Variants in GRAMD2B observed in about 807,000 individuals in gnomAD.
GRAMD2B encodes the protein GRAM domain-containing protein 2B.
In GRAMD2B, 41 loss-of-function variants were observed where a neutral mutation model predicts 59.2. That is an observed-to-expected ratio of 0.69 (90% CI 0.54 to 0.90). The LOEUF (loss-of-function observed/expected upper bound fraction) is 0.90. Ranked by LOEUF, GRAMD2B falls within the 40% of genes least tolerant of loss-of-function variation. GRAMD2B has a pLI of 0.00. For missense variants in GRAMD2B, 424 were observed against 500.5 expected (o/e 0.85, Z 1.46); for synonymous variants, 161 against 182.7 (o/e 0.88, Z 0.96).
intron 1 of GRAMD2B, among the ~76,000 whole-genome samples, chr5:126,384,419 C>T (rs924093719): frequency 6.6e-6 from 1 of 152,158 alleles, no homozygotes; most frequent in African/African-American, 2.4e-5. Flanking sequence ...ACAAAATAAA[C>T]CTTGCCTAAT....
At chr5:126,469,898 G>T in intron 3 of GRAMD2B, 110 bp downstream of exon 3, 4 of 710,136 alleles carry the variant, frequency 5.6e-6, no homozygotes, top group Non-Finnish European at 9.8e-6. Context: ...ACTAATATAG[G>T]TATAGAGTTT....
At chr5:126,445,126 T>C (rs1763976292) in intron 1 of GRAMD2B, among the ~76,000 whole-genome samples, 1 of 152,218 alleles carries the variant, frequency 6.6e-6, no homozygotes, top group Middle Eastern at 3.2e-3. Flanking sequence ...ATTCCATGAC[T>C]TTGCTATTGT....
intron 1 of GRAMD2B, among the ~76,000 whole-genome samples, chr5:126,446,962 A>G (rs1764361444): frequency 6.6e-6 from 1 of 152,218 alleles, no homozygotes; most frequent in Non-Finnish European, 1.5e-5. Flanking sequence ...CTAGCAAAGT[A>G]AAGCAAACTA....
intron 1 of GRAMD2B, among the ~76,000 whole-genome samples, chr5:126,394,042 A>C (rs1757098671): frequency 6.6e-6 from 1 of 152,182 alleles, no homozygotes; most frequent in African/African-American, 2.4e-5. Context: ...CGGGAGGCCA[A>C]GGCGGGCAGA....
At chr5:126,476,431 ACT>A (rs1034821344) in intron 5 of GRAMD2B, among the ~76,000 whole-genome samples, 1 of 152,080 alleles carries the variant, frequency 6.6e-6, no homozygotes. Context: ...GCTGTGCGTG[ACT>A]CTATTTTCAG....
intron 1 of GRAMD2B, among the ~76,000 whole-genome samples, chr5:126,397,667 G>A (rs1757475579): frequency 6.6e-6 from 1 of 152,068 alleles, no homozygotes; most frequent in African/African-American, 2.4e-5. Flanking sequence ...TTAATGTGTT[G>A]TATCACATTT....
At chr5:126,465,625 T>TA in intron 2 of GRAMD2B, 80 bp downstream of exon 2, 2 of 1,294,608 alleles carry the variant, frequency 1.5e-6, no homozygotes, top group Non-Finnish European at 1.1e-6. Context: ...GGTTTTTTGT[T>TA]AAGAGTGAGG....
chr5:126,437,256 G>A (rs1215761246), intron 1 of GRAMD2B, among the ~76,000 whole-genome samples: 2 of 152,296 alleles, frequency 1.3e-5, no homozygotes, highest in East Asian at 1.9e-4. Flanking sequence ...AGGGGAGAGG[G>A]GAGAATGAGT....
At chr5:126,476,373 G>A (rs1337436551) in intron 5 of GRAMD2B, among the ~76,000 whole-genome samples, 1 of 152,214 alleles carries the variant, frequency 6.6e-6, no homozygotes, top group Non-Finnish European at 1.5e-5. Context: ...AGATGTTCAA[G>A]TGAGTGTGAG....
At chr5:126,435,507 G>A (rs1016268439) in intron 1 of GRAMD2B, among the ~76,000 whole-genome samples, 62 of 152,172 alleles carry the variant, frequency 4.1e-4, no homozygotes, top group Admixed American at 1.2e-3. Context: ...CAGAGCCCCC[G>A]GTTAGGTGTC....
At chr5:126,375,514 C>T (rs1166918213) in intron 1 of GRAMD2B, among the ~76,000 whole-genome samples, 2 of 151,924 alleles carry the variant, frequency 1.3e-5, no homozygotes, top group African/African-American at 2.4e-5. Context: ...GGACTACAGG[C>T]GCCTGCCACC....
chr5:126,468,360 A>G (rs1280265443), intron 2 of GRAMD2B, among the ~76,000 whole-genome samples: 1 of 152,084 alleles, frequency 6.6e-6, no homozygotes, highest in Non-Finnish European at 1.5e-5. Context: ...TTTCACTTTT[A>G]TTGTATTCCC....
chr5:126,375,004 T>A (rs748199979), intron 1 of GRAMD2B, among the ~76,000 whole-genome samples: 1 of 152,234 alleles, frequency 6.6e-6, no homozygotes, highest in African/African-American at 2.4e-5. Context: ...TTGAGAAAAT[T>A]CAACATCTTT....
At chr5:126,455,909 A>G (rs558204962) in intron 1 of GRAMD2B, among the ~76,000 whole-genome samples, 12 of 152,282 alleles carry the variant, frequency 7.9e-5, no homozygotes, top group African/African-American at 1.9e-4. Context: ...TTATGACACA[A>G]TATCCTTTAT....
chr5:126,437,998 T>C (rs971278769), intron 1 of GRAMD2B, among the ~76,000 whole-genome samples: 2 of 152,184 alleles, frequency 1.3e-5, no homozygotes, highest in Admixed American at 6.5e-5. Context: ...ATCTTCTTTG[T>C]CAATATGGCA....
intron 1 of GRAMD2B, among the ~76,000 whole-genome samples, chr5:126,441,313 A>T (rs539188009): frequency 6.6e-6 from 1 of 152,352 alleles, no homozygotes; most frequent in South Asian, 2.1e-4. Context: ...TAAGTCTCAC[A>T]TCAAACTGTG....
At chr5:126,478,049 G>C (rs546462889) in intron 6 of GRAMD2B, among the ~76,000 whole-genome samples, 1 of 149,730 alleles carries the variant, frequency 6.7e-6, no homozygotes, top group Non-Finnish European at 1.5e-5. Flanking sequence ...ATACTTGCCT[G>C]ACCAAGGTCA....
At chr5:126,390,643 G>C (rs1351575662) in intron 1 of GRAMD2B, among the ~76,000 whole-genome samples, 5 of 152,190 alleles carry the variant, frequency 3.3e-5, no homozygotes, top group African/African-American at 1.2e-4. Flanking sequence ...AATTTCAGCA[G>C]CCTTTCATAA....
intron 1 of GRAMD2B, among the ~76,000 whole-genome samples, chr5:126,443,836 G>A (rs112566645): frequency 4.6e-5 from 7 of 152,130 alleles, no homozygotes; most frequent in Non-Finnish European, 8.8e-5. Context: ...GATCGCCTGA[G>A]GTCAAGAGTT....
Sources: allele counts gnomAD v4.1 joint callset (sites outside exome capture counted in the v4.1 genomes callset), GRCh38; gene constraint gnomAD v4.1.1; transcripts MANE v1.5; gene names NCBI Gene and HGNC (gene_info 2026-07-23, HGNC 2026-07-21).